The following RAD54L variants were observed in gnomAD, a reference collection of about 807,000 sequenced individuals.
The protein encoded by RAD54L is DNA repair and recombination protein RAD54-like.
In RAD54L, 74 loss-of-function variants were observed where a neutral mutation model predicts 91.6. The observed-to-expected ratio is 0.81, with a 90% CI of 0.67 to 0.98. The LOEUF (loss-of-function observed/expected upper bound fraction) is 0.98, where lower values mean the gene tolerates loss of function less well. RAD54L is among the 50% of genes least tolerant of loss of function. The pLI is 0.00. For synonymous variants in RAD54L, 304 were observed against 349.7 expected (o/e 0.87, Z 1.46); for missense variants, 887 against 945.7 (o/e 0.94, Z 0.81).
At chr1:46,275,457 C>T (rs1660565857) in intron 16 of RAD54L, among the ~76,000 whole-genome samples, 1 of 151,958 alleles carries the variant, frequency 6.6e-6, no homozygotes, top group Non-Finnish European at 1.5e-5. Context: ...CCCTCCCACT[C>T]ATCTGGCTTG....
rs1557707868 is a variant in RAD54L at position 46,273,654 on chromosome 1, C to CGGTGACCCGAAGCCT, written c.1531_1532insTGGTGACCCGAAGCC (p.Ser510_Arg511insLeuValThrArgSer). On this transcript the variant is annotated inframe_insertion, in exon 14 of 18. Coordinates refer to ENST00000371975, the MANE Select transcript of RAD54L (RefSeq NM_003579.4). ...ATGCTGGTCCTGGATTATATTCTGG[C>CGGTGACCCGAAGCCT]GGTGACCCGAAGCCGTAGCAGTGAC... 1 of 1,613,808 alleles carries CGGTGACCCGAAGCCT rather than the reference C, an allele frequency of 6.2e-7. No individual in the cohort carries two copies. The highest frequency in any genetic ancestry group is 1.1e-5 in the South Asian group (1 of 91,038).
Position 46,253,368 on chromosome 1 carries a change from C to A in RAD54L, c.210+3249C>A, listed in dbSNP as rs1659853078. Reference sequence around the variant, plus strand: ...TTGGCTCACGCCTATAATCCCAACACTTTGGGAGGCCTAGGCGGGCGGATC... The same window carrying A: ...TTGGCTCACGCCTATAATCCCAACAATTTGGGAGGCCTAGGCGGGCGGATC... On this transcript the variant is annotated intron_variant, in intron 3 of 17. Coordinates refer to ENST00000371975, the MANE Select transcript of RAD54L (RefSeq NM_003579.4). Among the ~76,000 whole-genome samples the A allele has an allele frequency of 2.0e-5, 3 of 152,208 alleles. No individual in the cohort carries two copies. In the South Asian group the frequency reaches 6.2e-4, roughly 31 times the overall value.
intron 8 of RAD54L, among the ~76,000 whole-genome samples, chr1:46,262,177 G>A (rs905947628): frequency 1.3e-5 from 2 of 152,016 alleles, no homozygotes; most frequent in African/African-American, 2.4e-5. Context: ...ACTTTGGGAG[G>A]CTGAGGCGGG....
chr1:46,271,709 G>A (rs912960226), intron 10 of RAD54L, among the ~76,000 whole-genome samples: 1 of 152,136 alleles, frequency 6.6e-6, no homozygotes, highest in Non-Finnish European at 1.5e-5. Flanking sequence ...CTTAAGATCT[G>A]CTTCTTAGGT....
intron 15 of RAD54L, 59 bp downstream of exon 15, chr1:46,274,275 A>C: frequency 6.6e-7 from 1 of 1,526,484 alleles, no homozygotes; most frequent in Non-Finnish European, 9.1e-7. Flanking sequence ...TTAAGGAATG[A>C]TAGAGAAGCT....
At chr1:46,253,623 A>G (rs1659861104) in intron 3 of RAD54L, among the ~76,000 whole-genome samples, 1 of 151,894 alleles carries the variant, frequency 6.6e-6, no homozygotes, top group African/African-American at 2.4e-5. Context: ...AAAAAAAAAA[A>G]AGAATTCACA....
At chr1:46,275,335 GA>G (rs1375811549) in intron 16 of RAD54L, among the ~76,000 whole-genome samples, 1 of 152,164 alleles carries the variant, frequency 6.6e-6, no homozygotes, top group Non-Finnish European at 1.5e-5. Context: ...GAACTTGTTA[GA>G]ACCCAGAACC....
At chr1:46,250,502 A>G (rs1659768263) in intron 3 of RAD54L, among the ~76,000 whole-genome samples, 1 of 152,284 alleles carries the variant, frequency 6.6e-6, no homozygotes, top group African/African-American at 2.4e-5. Context: ...GCCTCATGTA[A>G]TTCTCACGTT....
Position 46,258,702 on chromosome 1 carries a change from G to C in RAD54L, c.227G>C (p.Ser76Thr), listed in dbSNP as rs769566923. The C allele has an allele frequency of 6.8e-6, 11 of 1,607,840 alleles. No homozygotes were observed. Among genetic ancestry groups the C allele is most frequent in the Non-Finnish European group, 9.4e-6 (11 of 1,174,218 alleles). ...TCTTTTTAGGAAGCATTTATTCGAA[G>C]CATTTTGTCAAAGCCTTTCAAAGTC... Reference protein sequence around the residue: ...DSSQHEAFIRSILSKPFKVPI... With the variant: ...DSSQHEAFIRTILSKPFKVPI... The change falls in exon 4 of 18, where the codon AGC (serine) becomes ACC (threonine). Residue 76 changes from serine to threonine, a missense_variant. By Grantham distance (58) the Ser-to-Thr change is moderately conservative (BLOSUM62 1). Coordinates refer to ENST00000371975, the MANE Select transcript of RAD54L (RefSeq NM_003579.4).
rs1659765102 is a variant in RAD54L, at chr1:46,250,394, A to G, written c.210+275A>G. Among the ~76,000 whole-genome samples, 3 of 152,224 alleles carry G rather than the reference A, an allele frequency of 2.0e-5. No homozygotes were observed. The South Asian group carries it at 6.2e-4, about 31-fold the overall frequency. On this transcript the variant is annotated intron_variant, in intron 3 of 17. Transcript: ENST00000371975. ...GGAACTAGGATCCTCATGTCAGCTC[A>G]GACTCTGACTCTGTATATGACTTTA...
chr1:46,274,443 T>G, intron 15 of RAD54L, 95 bp from the exon 16 acceptor site: 1 of 1,414,284 alleles, frequency 7.1e-7, no homozygotes, highest in Non-Finnish European at 1.0e-6. Context: ...TGGTACTGAG[T>G]AGTATAGAGG....
At chr1:46,260,152 T>C (rs1660068564) in intron 5 of RAD54L, 53 bp downstream of exon 5, 2 of 1,609,884 alleles carry the variant, frequency 1.2e-6, no homozygotes, top group South Asian at 1.1e-5. Context: ...TATGCACGCA[T>C]ACTTGGGAGG....
chr1:46,257,781 A>G (rs1659983112), intron 3 of RAD54L, among the ~76,000 whole-genome samples: 1 of 152,186 alleles, frequency 6.6e-6, no homozygotes, highest in Non-Finnish European at 1.5e-5. Context: ...GGCTGTACTC[A>G]GAGTGGGTGA....
chr1:46,266,431 A>G (rs1320533839), intron 8 of RAD54L, among the ~76,000 whole-genome samples: 7 of 152,258 alleles, frequency 4.6e-5, no homozygotes, highest in Non-Finnish European at 4.4e-5. Flanking sequence ...CTTCCCCAGT[A>G]TGGGGCTGGA....
chr1:46,254,508 A>T (rs1659887996), intron 3 of RAD54L, among the ~76,000 whole-genome samples: 1 of 151,026 alleles, frequency 6.6e-6, no homozygotes, highest in Non-Finnish European at 1.5e-5. Context: ...GATAAATTTT[A>T]TACCTGGTAA....
intron 1 of RAD54L, 27 bp from the exon 2 acceptor site, chr1:46,248,485 G>A: frequency 1.9e-6 from 3 of 1,614,102 alleles, no homozygotes; most frequent in Non-Finnish European, 2.5e-6. Context: ...GATCCTTGCA[G>A]GCACTGTTTC....
chr1:46,271,218 A>C (rs1470646710), intron 10 of RAD54L, among the ~76,000 whole-genome samples: 1 of 152,154 alleles, frequency 6.6e-6, no homozygotes, highest in Non-Finnish European at 1.5e-5. Flanking sequence ...TGACTTTTTC[A>C]TGGGAGTTAC....
In RAD54L at chr1:46,267,455, G is replaced by T; in HGVS notation, c.892-4G>T. On this transcript the variant is annotated splice_polypyrimidine_tract_variant and splice_region_variant and intron_variant, in intron 8 of 17. Coordinates refer to ENST00000371975, the MANE Select transcript of RAD54L (RefSeq NM_003579.4). ...TTGCGCTCTGAATAAGGATTCTCTTGCAGGGACACAGGCTCAAGAACTCTG... is the reference window on the plus strand; with the variant it reads ...TTGCGCTCTGAATAAGGATTCTCTTTCAGGGACACAGGCTCAAGAACTCTG... 6.2e-7 allele frequency: 1 copy of T among 1,613,932 alleles called. No homozygotes were observed. The highest frequency in any genetic ancestry group is 8.5e-7 in the Non-Finnish European group (1 of 1,180,028).
chr1:46,270,230 C>T (rs1188282501), intron 9 of RAD54L, among the ~76,000 whole-genome samples: 1 of 151,670 alleles, frequency 6.6e-6, no homozygotes, highest in African/African-American at 2.4e-5. Flanking sequence ...TACCTGGGCA[C>T]GGAGAAGGGG....
Sources: gnomAD v4.1 joint callset for allele counts (sites outside exome capture counted in the v4.1 genomes callset) on GRCh38, gnomAD v4.1.1 for gene constraint, MANE v1.5 for transcripts, NCBI Gene and HGNC (gene_info 2026-07-23, HGNC 2026-07-21) for gene names.